Variants in ADAMTS12 observed in about 807,000 individuals in gnomAD.
The protein encoded by ADAMTS12 is ADAM metallopeptidase with thrombospondin type 1 motif 12, also known as A disintegrin and metalloproteinase with thrombospondin motifs 12.
A neutral mutation model predicts 167.8 loss-of-function variants in ADAMTS12; 118 were observed. That is an observed-to-expected ratio of 0.70 (90% CI 0.61 to 0.82). ADAMTS12 has a LOEUF of 0.82. ADAMTS12 is among the 40% of genes least tolerant of loss of function. The pLI is 0.00. For synonymous variants in ADAMTS12, 704 were observed against 716.9 expected (o/e 0.98, Z 0.29); for missense variants, 1,916 against 1,998.8 (o/e 0.96, Z 0.79).
intron 22 of ADAMTS12, among the ~76,000 whole-genome samples, chr5:33,544,740 C>T (rs902816387): frequency 1.3e-4 from 20 of 152,036 alleles, no homozygotes; most frequent in African/African-American, 2.2e-4. Flanking sequence ...TTGACAAACC[C>T]GACAAAAACA....
intron 3 of ADAMTS12, 185 bp downstream of exon 3, chr5:33,751,219 A>C: frequency 5.5e-6 from 4 of 731,410 alleles, no homozygotes; most frequent in Non-Finnish European, 8.8e-6. Flanking sequence ...GGGTTTATAC[A>C]AGCAAAAAGA....
intron 19 of ADAMTS12, among the ~76,000 whole-genome samples, chr5:33,573,532 T>C (rs10472224): frequency 0.15 from 23,074 of 152,134 alleles, 1,858 homozygotes; most frequent in East Asian, 0.18. Context: ...CTGGGAAAAC[T>C]GGCTAGCCAT....
At chr5:33,656,136 T>C (rs1741052616) in intron 7 of ADAMTS12, among the ~76,000 whole-genome samples, 1 of 152,196 alleles carries the variant, frequency 6.6e-6, no homozygotes, top group Admixed American at 6.5e-5. Context: ...ATAGTAGTTT[T>C]ATTTCCACAA....
At chr5:33,662,224 C>T (rs572864692) in intron 5 of ADAMTS12, among the ~76,000 whole-genome samples, 184 bp from the exon 6 acceptor site, 2 of 152,158 alleles carry the variant, frequency 1.3e-5, no homozygotes, top group Non-Finnish European at 2.9e-5. Flanking sequence ...GTTAAACACT[C>T]CCATTCTAAT....
intron 3 of ADAMTS12, among the ~76,000 whole-genome samples, chr5:33,738,133 T>C (rs964675661): frequency 9.9e-5 from 15 of 152,258 alleles, no homozygotes; most frequent in Middle Eastern, 3.4e-3. Context: ...CATCCCAATA[T>C]AGGCACTAGT....
rs1460295441 is a variant in ADAMTS12, at chr5:33,526,809, C to T, written c.*379G>A. Reference sequence around the variant, plus strand: ...GATAAATTAAGAAGATTATTTGTCCCCTGGGTAAGTGTTGCCTGATACTCT... The same window carrying T: ...GATAAATTAAGAAGATTATTTGTCCTCTGGGTAAGTGTTGCCTGATACTCT... On this transcript the variant is annotated 3_prime_UTR_variant, in exon 24 of 24. Coordinates refer to ENST00000504830, the MANE Select transcript of ADAMTS12 (RefSeq NM_030955.4). The T allele has an allele frequency of 6.0e-6, 1 of 166,366 alleles. No individual in the cohort carries two copies. Among genetic ancestry groups the T allele is most frequent in the East Asian group, 1.7e-4 (1 of 5,964 alleles). 10.3% of individuals were successfully genotyped at this position (166,366 alleles called of 1,614,324 possible).
chr5:33,562,021 G>GGGCA (rs939316704), intron 19 of ADAMTS12, among the ~76,000 whole-genome samples: 2 of 152,196 alleles, frequency 1.3e-5, no homozygotes, highest in African/African-American at 4.8e-5. Flanking sequence ...CCTGCCCAAA[G>GGGCA]GGTTTTCTGT....
intron 2 of ADAMTS12, among the ~76,000 whole-genome samples, chr5:33,774,782 T>C (rs1368340385): frequency 6.6e-6 from 1 of 152,240 alleles, no homozygotes; most frequent in South Asian, 2.1e-4. Flanking sequence ...TTTCATTAAC[T>C]GTTACTCATG....
intron 2 of ADAMTS12, among the ~76,000 whole-genome samples, chr5:33,783,240 G>A (rs533680108): frequency 2.0e-5 from 3 of 151,760 alleles, no homozygotes; most frequent in Non-Finnish European, 4.4e-5. Context: ...GAATTTATGG[G>A]TTACAATGAA....
intron 2 of ADAMTS12, among the ~76,000 whole-genome samples, chr5:33,768,640 T>C (rs1374644791): frequency 1.3e-5 from 2 of 152,118 alleles, no homozygotes; most frequent in Admixed American, 1.3e-4. Flanking sequence ...ATTTATAAGG[T>C]TTTTAATGTC....
chr5:33,560,382 G>T (rs1479878697), intron 20 of ADAMTS12, among the ~76,000 whole-genome samples: 1 of 152,134 alleles, frequency 6.6e-6, no homozygotes, highest in Non-Finnish European at 1.5e-5. Context: ...CAGGGATCTA[G>T]AACTAGAAAT....
chr5:33,657,343 C>A (rs1741097804), intron 7 of ADAMTS12, among the ~76,000 whole-genome samples: 1 of 152,168 alleles, frequency 6.6e-6, no homozygotes, highest in Non-Finnish European at 1.5e-5. Context: ...GGGAGGAGAT[C>A]CAGGCTGGTG....
intron 13 of ADAMTS12, 133 bp from the exon 14 acceptor site, chr5:33,624,484 T>A (rs1382064478): frequency 1.5e-6 from 2 of 1,294,256 alleles, no homozygotes; most frequent in African/African-American, 3.0e-5. Context: ...GACAAATGTT[T>A]GTTCCTGGTG....
intron 3 of ADAMTS12, among the ~76,000 whole-genome samples, chr5:33,696,970 G>A (rs368867527): frequency 1.3e-5 from 2 of 152,110 alleles, no homozygotes; most frequent in East Asian, 3.9e-4. Flanking sequence ...AAATTTTGTT[G>A]TCTAATTCTT....
chr5:33,795,758 C>T (rs1746748836), intron 2 of ADAMTS12, among the ~76,000 whole-genome samples: 1 of 152,130 alleles, frequency 6.6e-6, no homozygotes, highest in African/African-American at 2.4e-5. Flanking sequence ...CCACTATACT[C>T]CCCACTGGTA....
At chr5:33,810,445 T>C (rs571728419) in intron 2 of ADAMTS12, among the ~76,000 whole-genome samples, 60 of 152,296 alleles carry the variant, frequency 3.9e-4, no homozygotes, top group African/African-American at 1.4e-3. Flanking sequence ...TGCAAAAAGC[T>C]TTTTTGGCTT....
At chr5:33,887,891 T>C (rs909646324) in intron 1 of ADAMTS12, among the ~76,000 whole-genome samples, 1 of 152,190 alleles carries the variant, frequency 6.6e-6, no homozygotes, top group African/African-American at 2.4e-5. Context: ...ACTACAGGCA[T>C]GCACCACCAC....
At chr5:33,573,591 T>C (rs1424491984) in intron 19 of ADAMTS12, among the ~76,000 whole-genome samples, 6 of 152,158 alleles carry the variant, frequency 3.9e-5, no homozygotes, top group Admixed American at 6.5e-5. Flanking sequence ...ATACAAAAAT[T>C]AATTCAAGAT....
At chr5:33,573,518 G>T (rs930371820) in intron 19 of ADAMTS12, among the ~76,000 whole-genome samples, 2 of 152,138 alleles carry the variant, frequency 1.3e-5, no homozygotes, top group African/African-American at 4.8e-5. Flanking sequence ...TTTAATAAAT[G>T]GTGCTGGGAA....
Sources: gnomAD v4.1 joint callset for allele counts (sites outside exome capture counted in the v4.1 genomes callset) on GRCh38, gnomAD v4.1.1 for gene constraint, MANE v1.5 for transcripts, NCBI Gene and HGNC (gene_info 2026-07-23, HGNC 2026-07-21) for gene names.